PLPP3: variants seen among roughly 807,000 people sequenced by gnomAD.
PLPP3 encodes the protein phospholipid phosphatase 3, also known as PAP2 beta.
In PLPP3, 6 loss-of-function variants were observed where a neutral mutation model predicts 29.6. The observed-to-expected ratio is 0.20, with a 90% confidence interval of 0.11 to 0.40. The LOEUF (loss-of-function observed/expected upper bound fraction) is 0.40, where lower values mean the gene tolerates loss of function less well. Among genes scored for constraint, PLPP3 ranks in the 10% least tolerant of loss-of-function variants. The probability of loss-of-function intolerance (pLI) is 1.00; values close to 1 mark genes in which losing one functional copy is unlikely to be tolerated. For missense variants in PLPP3, 308 were observed against 407.7 expected, an observed-to-expected ratio of 0.76 and a Z score of 2.11; for synonymous variants, 152 against 159.7, an observed-to-expected ratio of 0.95 and a Z score of 0.36.
In PLPP3 at chr1:56,553,182, C is replaced by A. The variant is rs139025648; in HGVS notation, c.140-16070G>T. 3.3e-5 allele frequency among the ~76,000 whole-genome samples: 5 copies of A among 152,304 alleles called. No individual in the cohort carries two copies. In the East Asian group the frequency reaches 9.6e-4, roughly 29 times the overall value. ...TCTAATCAGTCCTAAAAATATGATT[C>A]ATGTGTGTGGCTTTCAAACAAGACT... On this transcript the variant is annotated intron_variant, in intron 1 of 5. Transcript: ENST00000371250.
At chr1:56,519,383 T>G (rs1557501463) in intron 4 of PLPP3, among the ~76,000 whole-genome samples, 1 of 152,186 alleles carries the variant, frequency 6.6e-6, no homozygotes, top group African/African-American at 2.4e-5. Flanking sequence ...TGAGGGACAA[T>G]GTATCAGACT....
In PLPP3 at chr1:56,572,052, T is replaced by TTG. The variant is rs1553140704; in HGVS notation, c.139+6825_139+6826insCA. On this transcript the variant is annotated intron_variant, in intron 1 of 5. Coordinates refer to ENST00000371250, the MANE Select transcript of PLPP3 (RefSeq NM_003713.5). The stretch of plus-strand genomic sequence containing the variant: ...TTTCCAATCATTTCTGGTTTTTTTT[T>TTG]TTTTTTTTTTTTTTTGAGACAGAGT... Among the ~76,000 whole-genome samples, 2 of 133,432 alleles carry TTG rather than the reference T, an allele frequency of 1.5e-5. 1 individual carries two copies. Among genetic ancestry groups the TTG allele is most frequent in the Admixed American group, 1.5e-4 (2 of 13,118 alleles). 87.5% of individuals were successfully genotyped at this position (133,432 alleles called of 152,430 possible). A position where few individuals can be genotyped will look rare whatever the true frequency, so the allele number is the denominator to read the frequency against.
At chr1:56,535,100 G>A (rs1157367929) in intron 2 of PLPP3, among the ~76,000 whole-genome samples, 1 of 152,138 alleles carries the variant, frequency 6.6e-6, no homozygotes, top group Non-Finnish European at 1.5e-5. Context: ...GCCAAGCACT[G>A]AGTTACTTTA....
chr1:56,525,143 C>T (rs2100250893), intron 2 of PLPP3, among the ~76,000 whole-genome samples: 1 of 152,310 alleles, frequency 6.6e-6, no homozygotes, highest in African/African-American at 2.4e-5. Context: ...CAAGCTTTGG[C>T]CTTCTGCTCC....
intron 1 of PLPP3, among the ~76,000 whole-genome samples, chr1:56,552,908 T>C (rs1023430372): frequency 2.0e-5 from 3 of 152,034 alleles, no homozygotes; most frequent in Admixed American, 6.5e-5. Flanking sequence ...GAAAAAGTCC[T>C]GGGCTGGGGG....
In PLPP3 at chr1:56,524,505, G is replaced by A. The variant is rs767309067; in HGVS notation, c.347C>T (p.Ser116Leu). Residue 116 changes from serine to leucine, a missense_variant, in exon 3 of 6, where the codon TCG becomes TTG. Transcript: ENST00000371250. This position sits in a 1 kb window ranked among gnomAD's most constrained non-coding sequence, Gnocchi z 4.3. ...TGCCACGTAGGGGTTCTGAATCGTC[G>A]ACCGCGACTTCTTCAGGTAATAGAT... ...YRIYYLKKSR[S>L]TIQNPYVAAL... The A allele has an allele frequency of 2.0e-5, 32 of 1,612,782 alleles. No individual in the cohort carries two copies. The highest frequency in any genetic ancestry group is 5.5e-5 in the South Asian group (5 of 91,074).
chr1:56,534,779 G>A (rs1283671213), intron 2 of PLPP3, among the ~76,000 whole-genome samples: 1 of 152,112 alleles, frequency 6.6e-6, no homozygotes, highest in Non-Finnish European at 1.5e-5. Flanking sequence ...GAGTACCCTT[G>A]ATAGTTATGA....
chr1:56,520,067 C>T (rs1427657544), intron 4 of PLPP3, among the ~76,000 whole-genome samples: 1 of 152,076 alleles, frequency 6.6e-6, no homozygotes, highest in Admixed American at 6.6e-5. Flanking sequence ...AAACTTTTTT[C>T]AAATAGAGCC....
intron 1 of PLPP3, among the ~76,000 whole-genome samples, chr1:56,567,730 C>T (rs944611274): frequency 2.0e-5 from 3 of 151,908 alleles, no homozygotes; most frequent in Admixed American, 6.6e-5. Flanking sequence ...GATGCAGCCT[C>T]AACGGAAAAC....
chr1:56,577,529 A>T (rs1646244251), intron 1 of PLPP3, among the ~76,000 whole-genome samples: 1 of 152,158 alleles, frequency 6.6e-6, no homozygotes, highest in Non-Finnish European at 1.5e-5. Flanking sequence ...ATGGACCATC[A>T]AGAGGACACT....
chr1:56,523,704 A>T (rs1645834112), intron 4 of PLPP3, 119 bp downstream of exon 4: 1 of 1,128,476 alleles, frequency 8.9e-7, no homozygotes, highest in African/African-American at 1.6e-5. Context: ...TTTCTAGCTA[A>T]CCTCTTTTTC....
intron 4 of PLPP3, among the ~76,000 whole-genome samples, chr1:56,522,678 AAAAT>A (rs150192339): frequency 0.093 from 14,180 of 152,104 alleles, 1,486 homozygotes; most frequent in African/African-American, 0.25. Context: ...ATTGGGGGGA[AAAAT>A]AAATAAATAA....
intron 1 of PLPP3, among the ~76,000 whole-genome samples, chr1:56,544,108 G>A (rs961222234): frequency 4.6e-5 from 7 of 152,134 alleles, no homozygotes; most frequent in African/African-American, 1.4e-4. Context: ...CTTTCACCAT[G>A]GGCGTTAAAA....
chr1:56,528,496 T>C (rs913175682), intron 2 of PLPP3, among the ~76,000 whole-genome samples: 27 of 152,132 alleles, frequency 1.8e-4, no homozygotes, highest in African/African-American at 6.5e-4. Flanking sequence ...ATCTTGTCTA[T>C]TACCTTAGGC....
chr1:56,532,469 G>T (rs1179971583), intron 2 of PLPP3, among the ~76,000 whole-genome samples: 1 of 152,122 alleles, frequency 6.6e-6, no homozygotes, highest in Non-Finnish European at 1.5e-5. Flanking sequence ...GTAGATAAAG[G>T]GAGATGGAGG....
At chr1:56,544,175 T>C (rs1645990795) in intron 1 of PLPP3, among the ~76,000 whole-genome samples, 1 of 152,208 alleles carries the variant, frequency 6.6e-6, no homozygotes, top group Non-Finnish European at 1.5e-5. Context: ...CATTTTATTT[T>C]TAAAATAATT....
intron 4 of PLPP3, among the ~76,000 whole-genome samples, chr1:56,515,738 C>T (rs1207391452): frequency 1.3e-5 from 2 of 152,182 alleles, no homozygotes; most frequent in Non-Finnish European, 2.9e-5. Context: ...ATCCTGGTGT[C>T]TGCAGCAGGG....
intron 4 of PLPP3, among the ~76,000 whole-genome samples, chr1:56,521,651 T>A (rs898283114): frequency 1.3e-5 from 2 of 152,080 alleles, no homozygotes; most frequent in Non-Finnish European, 2.9e-5. Flanking sequence ...GATCCTCTTA[T>A]CTTGGCCTCT....
At chr1:56,535,782 C>G (rs982126274) in intron 2 of PLPP3, among the ~76,000 whole-genome samples, 1 of 152,158 alleles carries the variant, frequency 6.6e-6, no homozygotes, top group Non-Finnish European at 1.5e-5. Context: ...GGGGCCAGGT[C>G]AGAAAACCAG....
Sources: gnomAD v4.1 joint callset for allele counts (sites outside exome capture counted in the v4.1 genomes callset) on GRCh38, gnomAD v4.1.1 for gene constraint, Gnocchi (gnomAD v3.1) non-coding constraint, MANE v1.5 for transcripts, NCBI Gene and HGNC (gene_info 2026-07-23, HGNC 2026-07-21) for gene names.